The following CTNNA3 variants were observed in gnomAD, a reference collection of about 807,000 sequenced individuals.
CTNNA3 encodes catenin alpha-3.
A neutral mutation model predicts 95.7 loss-of-function variants in CTNNA3; 76 were observed. The observed-to-expected ratio is 0.79, with a 90% CI of 0.66 to 0.96. The LOEUF (loss-of-function observed/expected upper bound fraction) is 0.96, where lower values mean the gene tolerates loss of function less well. Ranked by LOEUF, CTNNA3 falls within the 40% of genes least tolerant of loss-of-function variation. CTNNA3 has a pLI of 0.00. For missense variants in CTNNA3, 1,191 were observed against 1,089.8 expected (o/e 1.09, Z -1.31); for synonymous variants, 431 against 374.4 (o/e 1.15, Z -1.74).
At chr10:66,752,698 T>G (rs916200315) in intron 9 of CTNNA3, among the ~76,000 whole-genome samples, 1 of 152,094 alleles carries the variant, frequency 6.6e-6, no homozygotes, top group Non-Finnish European at 1.5e-5. Context: ...AAACTTGCAT[T>G]CTAAATACAT....
At chr10:66,279,772 C>A (rs2132156525) in intron 13 of CTNNA3, among the ~76,000 whole-genome samples, 1 of 152,150 alleles carries the variant, frequency 6.6e-6, no homozygotes, top group East Asian at 1.9e-4. Flanking sequence ...CAGGTGAATC[C>A]ACTTAAGGTA....
At chr10:66,129,778 T>C (rs920069304) in intron 13 of CTNNA3, among the ~76,000 whole-genome samples, 1 of 151,880 alleles carries the variant, frequency 6.6e-6, no homozygotes, top group Admixed American at 6.6e-5. Context: ...GCCATCTGTG[T>C]CCTCCCCTCA....
At position 67,237,428 on chromosome 10, in the gene CTNNA3, C is replaced by T. The variant is rs150562610; in HGVS notation, c.580-17558G>A. Among the ~76,000 whole-genome samples, 1,219 of 151,142 alleles carry T rather than the reference C, an allele frequency of 8.1e-3. 12 individuals are homozygous for T. The highest frequency in any genetic ancestry group is 0.023 in the African/African-American group (965 of 41,278). ...AAGGGATAAAAGACTATAAATATGG[C>T]GCAGTGTATACCGCTCAGATGATGG... On this transcript the variant is annotated intron_variant, in intron 5 of 17. Transcript: ENST00000433211.
At chr10:66,403,623 T>G (rs1345684461) in intron 11 of CTNNA3, among the ~76,000 whole-genome samples, 1 of 152,074 alleles carries the variant, frequency 6.6e-6, no homozygotes, top group Non-Finnish European at 1.5e-5. Context: ...AAGACGTAAT[T>G]TGGGGGGAGA....
intron 11 of CTNNA3, among the ~76,000 whole-genome samples, chr10:66,422,121 T>TAAAC (rs2093201102): frequency 6.6e-6 from 1 of 151,934 alleles, no homozygotes; most frequent in Admixed American, 6.6e-5. Flanking sequence ...TCCTTAGAAG[T>TAAAC]AAACATTGCA....
At chr10:66,886,079 A>G (rs1425964649) in intron 7 of CTNNA3, among the ~76,000 whole-genome samples, 3 of 152,158 alleles carry the variant, frequency 2.0e-5, no homozygotes, top group Non-Finnish European at 4.4e-5. Context: ...TCCTTTTGCC[A>G]AGAACCAAAG....
chr10:66,276,440 G>C (rs1017776847), intron 13 of CTNNA3, among the ~76,000 whole-genome samples: 3 of 151,844 alleles, frequency 2.0e-5, no homozygotes, highest in Non-Finnish European at 4.4e-5. Flanking sequence ...TCCTCCATTT[G>C]TGGTTAAATG....
intron 7 of CTNNA3, among the ~76,000 whole-genome samples, chr10:67,110,882 A>G (rs1858881799): frequency 6.6e-6 from 1 of 152,196 alleles, no homozygotes; most frequent in South Asian, 2.1e-4. Context: ...AGGGTCTTAC[A>G]CTTATAATGA....
intron 15 of CTNNA3, among the ~76,000 whole-genome samples, chr10:66,049,207 T>A (rs1351406733): frequency 6.6e-6 from 1 of 152,134 alleles, no homozygotes; most frequent in Non-Finnish European, 1.5e-5. Context: ...CACTGATCAT[T>A]AGAGAAATGC....
Position 66,974,660 on chromosome 10 carries a change from C to T in CTNNA3, c.1048-199136G>A, listed in dbSNP as rs577972792. On this transcript the variant is annotated intron_variant, in intron 7 of 17. Coordinates refer to ENST00000433211, the MANE Select transcript of CTNNA3 (RefSeq NM_013266.4). ...GAGTTTCATTGGTTCATATCATCTA[C>T]TAATACAACACTTAATATGTGACTT... 3.9e-5 allele frequency among the ~76,000 whole-genome samples: 6 copies of T among 152,300 alleles called. No homozygotes were observed. In the South Asian group the frequency reaches 1.2e-3, roughly 32 times the overall value.
chr10:66,352,571 A>C (rs1484668095), intron 12 of CTNNA3, among the ~76,000 whole-genome samples: 1 of 152,076 alleles, frequency 6.6e-6, no homozygotes, highest in African/African-American at 2.4e-5. Flanking sequence ...ACACCATTGT[A>C]TACTTTGGAG....
At chr10:67,589,922 A>G (rs1842743576) in intron 3 of CTNNA3, among the ~76,000 whole-genome samples, 1 of 152,088 alleles carries the variant, frequency 6.6e-6, no homozygotes, top group South Asian at 2.1e-4. Context: ...ACTAAATAAT[A>G]TTTTTGCTTA....
chr10:67,082,479 A>C (rs1283365499), intron 7 of CTNNA3, among the ~76,000 whole-genome samples: 1 of 152,172 alleles, frequency 6.6e-6, no homozygotes, highest in East Asian at 1.9e-4. Flanking sequence ...GATTTTGCAA[A>C]GGGCTATACT....
intron 7 of CTNNA3, among the ~76,000 whole-genome samples, chr10:67,020,103 T>A (rs1282638835): frequency 6.6e-6 from 1 of 152,178 alleles, no homozygotes; most frequent in Admixed American, 6.5e-5. Context: ...CAAATCGCCT[T>A]ACAATAAAAA....
chr10:66,874,220 G>A (rs1844525309), intron 7 of CTNNA3, among the ~76,000 whole-genome samples: 1 of 152,016 alleles, frequency 6.6e-6, no homozygotes, highest in African/African-American at 2.4e-5. Context: ...GCATGGCCAG[G>A]GTACAAACAT....
intron 7 of CTNNA3, among the ~76,000 whole-genome samples, chr10:67,103,023 T>C (rs574343670): frequency 3.4e-4 from 52 of 151,792 alleles, no homozygotes; most frequent in Non-Finnish European, 6.6e-4. Flanking sequence ...TTGAAGTTAC[T>C]ATTAAGAGGT....
At chr10:66,996,760 T>A (rs1362245165) in intron 7 of CTNNA3, among the ~76,000 whole-genome samples, 1 of 151,420 alleles carries the variant, frequency 6.6e-6, no homozygotes, top group Non-Finnish European at 1.5e-5. Flanking sequence ...GAAAAAAAAT[T>A]TCTAAGGGTA....
intron 11 of CTNNA3, among the ~76,000 whole-genome samples, chr10:66,444,512 C>T (rs957359764): frequency 2.6e-5 from 4 of 151,804 alleles, no homozygotes; most frequent in Non-Finnish European, 4.4e-5. Flanking sequence ...AGAGTGGGGG[C>T]CAACATTTCA....
chr10:66,636,112 T>G (rs1476959203), intron 9 of CTNNA3, among the ~76,000 whole-genome samples: 1 of 151,958 alleles, frequency 6.6e-6, no homozygotes, highest in Non-Finnish European at 1.5e-5. Context: ...GTGCATGTAC[T>G]ATTATTAAAT....
Sources: allele counts gnomAD v4.1 joint callset (sites outside exome capture counted in the v4.1 genomes callset), GRCh38; gene constraint gnomAD v4.1.1; transcripts MANE v1.5; gene names NCBI Gene and HGNC (gene_info 2026-07-23, HGNC 2026-07-21).